The following PLCXD2 variants were observed in gnomAD, a reference collection of about 807,000 sequenced individuals.
PLCXD2 encodes PI-PLC X domain-containing protein 2.
In PLCXD2, 21 loss-of-function variants were observed where a neutral mutation model predicts 28.6. The observed-to-expected ratio is 0.73, with a 90% confidence interval of 0.52 to 1.06. PLCXD2 has a LOEUF of 1.06. Among genes scored for constraint, PLCXD2 ranks in the 50% least tolerant of loss-of-function variants. The pLI, the probability that PLCXD2 is intolerant of heterozygous loss-of-function variation, is 0.00. For synonymous variants in PLCXD2, 140 were observed against 150.1 expected, an observed-to-expected ratio of 0.93 and a Z score of 0.49; for missense variants, 369 against 376.7, an observed-to-expected ratio of 0.98 and a Z score of 0.17.
chr3:111,685,276 T>G (rs1436472683), intron 1 of PLCXD2, among the ~76,000 whole-genome samples: 1 of 152,222 alleles, frequency 6.6e-6, no homozygotes, highest in Non-Finnish European at 1.5e-5. Context: ...AGATTGTACT[T>G]CTTTTAGAAA....
chr3:111,718,001 T>TA (rs1276943365), intron 3 of PLCXD2, among the ~76,000 whole-genome samples: 13 of 150,232 alleles, frequency 8.7e-5, no homozygotes, highest in African/African-American at 2.0e-4. Flanking sequence ...TTTTTTTTTT[T>TA]ACCACACTTA....
At chr3:111,699,159 T>G (rs1448124795) in intron 1 of PLCXD2, among the ~76,000 whole-genome samples, 1 of 152,164 alleles carries the variant, frequency 6.6e-6, no homozygotes, top group Admixed American at 6.5e-5. Flanking sequence ...AGGGTCACCA[T>G]CCTCACCTAC....
chr3:111,677,050 G>A (rs1281002561), intron 1 of PLCXD2: 2 of 152,146 alleles, frequency 1.3e-5, no homozygotes, highest in African/African-American at 4.8e-5. Context: ...CAAATAGCTG[G>A]TGCCAGCTGC....
At chr3:111,681,022 G>A (rs1318621609) in intron 1 of PLCXD2, among the ~76,000 whole-genome samples, 1 of 152,196 alleles carries the variant, frequency 6.6e-6, no homozygotes, top group Non-Finnish European at 1.5e-5. Context: ...AAAAAGAGGT[G>A]TAAAATGCAG....
chr3:111,694,557 C>T (rs1940934502), intron 1 of PLCXD2, among the ~76,000 whole-genome samples: 1 of 151,866 alleles, frequency 6.6e-6, no homozygotes, highest in African/African-American at 2.4e-5. Flanking sequence ...GCAGTTTTTC[C>T]AAGCAATATC....
intron 1 of PLCXD2, among the ~76,000 whole-genome samples, chr3:111,684,945 A>C (rs1473207870): frequency 4.6e-5 from 7 of 152,278 alleles, no homozygotes; most frequent in Middle Eastern, 3.4e-3. Flanking sequence ...AGAAGGTGCA[A>C]GGGGCTTGGG....
chr3:111,700,966 C>T (rs1201119734), intron 1 of PLCXD2, among the ~76,000 whole-genome samples: 5 of 152,092 alleles, frequency 3.3e-5, no homozygotes, highest in African/African-American at 4.8e-5. Context: ...CAAACTTAGA[C>T]TGTGACCAAA....
At chr3:111,683,831 A>C (rs1482382965) in intron 1 of PLCXD2, among the ~76,000 whole-genome samples, 2 of 152,176 alleles carry the variant, frequency 1.3e-5, no homozygotes, top group Non-Finnish European at 2.9e-5. Context: ...TTATGAATAA[A>C]CTAAACCCTG....
chr3:111,710,597 T>C (rs1050686710), intron 2 of PLCXD2, among the ~76,000 whole-genome samples: 1 of 152,244 alleles, frequency 6.6e-6, no homozygotes, highest in Admixed American at 6.5e-5. Flanking sequence ...TCCAGAGTTC[T>C]TACAGCTTCT....
intron 3 of PLCXD2, among the ~76,000 whole-genome samples, chr3:111,716,584 A>G (rs1000829490): frequency 2.6e-5 from 4 of 152,166 alleles, no homozygotes; most frequent in African/African-American, 9.6e-5. Context: ...CTGAAATCAT[A>G]TGAAAATGCT....
At chr3:111,690,800 T>C (rs1940866758) in intron 1 of PLCXD2, among the ~76,000 whole-genome samples, 1 of 152,204 alleles carries the variant, frequency 6.6e-6, no homozygotes, top group Admixed American at 6.5e-5. Context: ...TCTCTGTATC[T>C]CATTCTCCAA....
chr3:111,689,590 T>C (rs1940845320), intron 1 of PLCXD2, among the ~76,000 whole-genome samples: 3 of 152,212 alleles, frequency 2.0e-5, no homozygotes, highest in Non-Finnish European at 4.4e-5. Flanking sequence ...TTATAGGACA[T>C]GATATACCCC....
At chr3:111,701,387 A>G (rs1304744857) in intron 1 of PLCXD2, among the ~76,000 whole-genome samples, 1 of 152,244 alleles carries the variant, frequency 6.6e-6, no homozygotes, top group Non-Finnish European at 1.5e-5. Context: ...TTTACAGAGT[A>G]TCAGCAAAAG....
At chr3:111,716,021 C>T (rs747659672) in intron 3 of PLCXD2, among the ~76,000 whole-genome samples, 42 of 152,194 alleles carry the variant, frequency 2.8e-4, no homozygotes, top group Non-Finnish European at 4.7e-4. Context: ...TGTTGGCATG[C>T]GCCCAAAGCC....
At chr3:111,686,307 G>A (rs1940794344) in intron 1 of PLCXD2, among the ~76,000 whole-genome samples, 1 of 152,136 alleles carries the variant, frequency 6.6e-6, no homozygotes, top group Admixed American at 6.5e-5. Context: ...TGGCTTCTCA[G>A]CACATAAAAA....
chr3:111,704,991 T>G (rs1327898844), intron 1 of PLCXD2, among the ~76,000 whole-genome samples: 1 of 152,062 alleles, frequency 6.6e-6, no homozygotes, highest in African/African-American at 2.4e-5. Flanking sequence ...TTTTCTATTT[T>G]TTTAAGGTAG....
chr3:111,721,982 G>A (rs1941352077), intron 3 of PLCXD2: 1 of 152,138 alleles, frequency 6.6e-6, no homozygotes, highest in Non-Finnish European at 1.5e-5. Context: ...CTACCTCGGG[G>A]ATATTTAGGA....
At chr3:111,706,812 CAAAA>C (rs34217304) in intron 1 of PLCXD2, among the ~76,000 whole-genome samples, 1 of 115,048 alleles carries the variant, frequency 8.7e-6, no homozygotes. Flanking sequence ...GACTTTAAGG[CAAAA>C]AAAAAAAAAA....
At chr3:111,699,484 C>T (rs937927438) in intron 1 of PLCXD2, among the ~76,000 whole-genome samples, 1 of 152,078 alleles carries the variant, frequency 6.6e-6, no homozygotes, top group Non-Finnish European at 1.5e-5. Flanking sequence ...CAAATGGCAA[C>T]CCTCAGGAAG....
Sources: allele counts gnomAD v4.1 joint callset (sites outside exome capture counted in the v4.1 genomes callset), GRCh38; gene constraint gnomAD v4.1.1; transcripts MANE v1.5; gene names NCBI Gene and HGNC (gene_info 2026-07-23, HGNC 2026-07-21).